Variants in ATP2C2 observed in about 807,000 individuals in gnomAD.
The protein encoded by ATP2C2 is calcium-transporting ATPase type 2C member 2.
A neutral mutation model predicts 110.8 loss-of-function variants in ATP2C2; 171 were observed. That is an observed-to-expected ratio of 1.54 (90% CI 1.36 to 1.75). The LOEUF (loss-of-function observed/expected upper bound fraction) is 1.75, where lower values mean the gene tolerates loss of function less well. Ranked by LOEUF, ATP2C2 falls within the 40% of genes most tolerant of loss-of-function variation. ATP2C2 has a pLI of 0.00. For missense variants in ATP2C2, 1,963 were observed against 1,235.0 expected, an observed-to-expected ratio of 1.59 and a Z score of -8.84; for synonymous variants, 804 against 508.4, an observed-to-expected ratio of 1.58 and a Z score of -7.82.
At chr16:84,434,091 A>C (rs1043206792) in intron 11 of ATP2C2, among the ~76,000 whole-genome samples, 1 of 152,180 alleles carries the variant, frequency 6.6e-6, no homozygotes, top group Admixed American at 6.5e-5. Flanking sequence ...AAATGAGAGA[A>C]TCATTTTTTT....
chr16:84,428,048 A>T (rs1253320780), intron 11 of ATP2C2, among the ~76,000 whole-genome samples: 1 of 152,212 alleles, frequency 6.6e-6, no homozygotes, highest in Non-Finnish European at 1.5e-5. Context: ...ATGAAGAGTA[A>T]ACCATTATTG....
chr16:84,442,357 C>G (rs140140489), intron 14 of ATP2C2, among the ~76,000 whole-genome samples, 153 bp from the exon 15 acceptor site: 127 of 152,254 alleles, frequency 8.3e-4, no homozygotes, highest in Non-Finnish European at 1.3e-3. Flanking sequence ...GAAATAGTCA[C>G]GATGTTTCTT....
Position 84,461,829 on chromosome 16 carries a change from C to G in ATP2C2, c.2580+17C>G, listed in dbSNP as rs370595158. The stretch of plus-strand genomic sequence containing the variant: ...CGCTCTCAGGTGAGACCCGGGCTGA[C>G]CCTCCTCGCTGCAGAGCTGCTGTGT... On this transcript the variant is annotated intron_variant, in intron 25 of 26. Coordinates refer to ENST00000262429, the MANE Select transcript of ATP2C2 (RefSeq NM_014861.4). The G allele has an allele frequency of 6.2e-7, 1 of 1,611,774 alleles. No homozygotes were observed. The highest frequency in any genetic ancestry group is 8.5e-7 in the Non-Finnish European group (1 of 1,177,824).
At chr16:84,385,978 A>T (rs986759984) in intron 1 of ATP2C2, among the ~76,000 whole-genome samples, 1 of 152,200 alleles carries the variant, frequency 6.6e-6, no homozygotes, top group Non-Finnish European at 1.5e-5. Context: ...ATTTATTTTG[A>T]TGCTTCATTG....
Position 84,462,132 on chromosome 16 carries a change from G to T in ATP2C2, c.2722+3G>T. On this transcript the variant is annotated splice_donor_region_variant and intron_variant, in intron 26 of 26. Coordinates refer to ENST00000262429, the MANE Select transcript of ATP2C2 (RefSeq NM_014861.4). ...GACGGAGAACCTGGGAGCGCTTGGT[G>T]AGTGGTGGGGACGGGAACGACAGGT... 1 of 1,611,808 alleles carries T rather than the reference G, an allele frequency of 6.2e-7. No homozygotes were observed. Among genetic ancestry groups the T allele is most frequent in the East Asian group, 2.2e-5 (1 of 44,828 alleles).
chr16:84,404,905 C>A, intron 2 of ATP2C2: 2 of 631,348 alleles, frequency 3.2e-6, no homozygotes, highest in Admixed American at 4.2e-5. Context: ...AGACCAGAGT[C>A]GTCTTTTCTG....
At chr16:84,448,230 C>T (rs1327097234) in intron 16 of ATP2C2, among the ~76,000 whole-genome samples, 1 of 152,056 alleles carries the variant, frequency 6.6e-6, no homozygotes, top group African/African-American at 2.4e-5. Flanking sequence ...GGGATGATAC[C>T]TCCCGTGCAT....
At chr16:84,405,320 T>C in intron 3 of ATP2C2, 76 bp downstream of exon 3, 4 of 1,283,350 alleles carry the variant, frequency 3.1e-6, no homozygotes, top group East Asian at 2.3e-5. Context: ...CATCTTTCAA[T>C]GTTGATGGAA....
chr16:84,453,465 C>A, intron 20 of ATP2C2, 94 bp downstream of exon 20: 1 of 1,508,918 alleles, frequency 6.6e-7, no homozygotes, highest in Non-Finnish European at 9.2e-7. Context: ...GGTGACAGTG[C>A]AGGGCCCGAC....
chr16:84,458,863 T>A (rs978744897), intron 21 of ATP2C2, among the ~76,000 whole-genome samples: 25 of 152,164 alleles, frequency 1.6e-4, no homozygotes, highest in Admixed American at 2.0e-4. Context: ...ATGGTCTGAT[T>A]GGAGGCATCA....
intron 21 of ATP2C2, among the ~76,000 whole-genome samples, chr16:84,456,241 G>T (rs1910778570): frequency 7.4e-6 from 1 of 134,938 alleles, no homozygotes; most frequent in South Asian, 2.6e-4. Flanking sequence ...GAATTCGGCT[G>T]TGAATCCATC....
chr16:84,412,288 G>C (rs558254048), intron 6 of ATP2C2, among the ~76,000 whole-genome samples: 20 of 62,948 alleles, frequency 3.2e-4, no homozygotes, highest in African/African-American at 4.3e-5. Context: ...GTGTGTGCAC[G>C]TATGTGTGTG....
rs578136887 is a variant in ATP2C2, at chr16:84,409,490, A to G, written c.417+996A>G. On this transcript the variant is annotated intron_variant, in intron 4 of 26. Transcript: ENST00000262429. The stretch of plus-strand genomic sequence containing the variant: ...ATTCAGACAATACATGACCTTTTGT[A>G]TCTGGCTTCTCCTGAGCACATTTTT... 5.3e-5 allele frequency among the ~76,000 whole-genome samples: 8 copies of G among 152,276 alleles called. No individual in the cohort carries two copies. The South Asian group carries it at 1.7e-3, about 32-fold the overall frequency.
chr16:84,435,403 A>T (rs1185667805), intron 11 of ATP2C2, among the ~76,000 whole-genome samples: 1 of 152,244 alleles, frequency 6.6e-6, no homozygotes, highest in Admixed American at 6.5e-5. Context: ...GTGTTCAGCC[A>T]ACCCAGGTGG....
intron 7 of ATP2C2, among the ~76,000 whole-genome samples, chr16:84,416,917 AG>A (rs1906886201): frequency 2.0e-5 from 2 of 101,288 alleles, no homozygotes; most frequent in Admixed American, 9.2e-5. Flanking sequence ...TCTCCCGAGA[AG>A]GGGGGTCCTA....
At position 84,459,705 on chromosome 16, in the gene ATP2C2, C is replaced by A. The variant is rs540241399; in HGVS notation, c.2333+319C>A. On this transcript the variant is annotated intron_variant, in intron 23 of 26. Coordinates refer to ENST00000262429, the MANE Select transcript of ATP2C2 (RefSeq NM_014861.4). Reference sequence around the variant, plus strand: ...AGTCACTGCCTTCAGGAAGTCTTCCCTGATTGCACTCCCACTCAATCCCCT... The same window carrying A: ...AGTCACTGCCTTCAGGAAGTCTTCCATGATTGCACTCCCACTCAATCCCCT... The A allele has an allele frequency of 4.6e-5, 42 of 917,042 alleles. No homozygotes were observed. The East Asian group carries it at 1.1e-3, about 24-fold the overall frequency. 56.8% of individuals were successfully genotyped at this position (917,042 alleles called of 1,614,324 possible). A position where few individuals can be genotyped will look rare whatever the true frequency, so the allele number is the denominator to read the frequency against.
intron 2 of ATP2C2, among the ~76,000 whole-genome samples, chr16:84,402,865 G>A (rs771757861): frequency 1.8e-4 from 28 of 152,216 alleles, no homozygotes; most frequent in Non-Finnish European, 3.5e-4. Context: ...GATTGGTATC[G>A]CTTCTTCGAG....
rs115430436 is a variant in ATP2C2 at position 84,386,226 on chromosome 16, C to T, written c.100-12273C>T. Among the ~76,000 whole-genome samples, 886 of 152,244 alleles carry T rather than the reference C, an allele frequency of 5.8e-3. 10 individuals carry two copies. The highest frequency in any genetic ancestry group is 0.019 in the African/African-American group (790 of 41,528). On this transcript the variant is annotated intron_variant, in intron 1 of 26. Transcript: ENST00000262429. ...AGTATGTGTTCATTGTTACTGGGTG[C>T]CATGGCTCCTGGGCCCTCTCAGTGG...
chr16:84,439,355 A>C (rs1485579606), intron 12 of ATP2C2, 65 bp downstream of exon 12: 1 of 1,613,134 alleles, frequency 6.2e-7, no homozygotes, highest in Admixed American at 1.7e-5. Context: ...CTGTCAGGGC[A>C]ATCCAGCCTG....
Sources: gnomAD v4.1 joint callset for allele counts (sites outside exome capture counted in the v4.1 genomes callset) on GRCh38, gnomAD v4.1.1 for gene constraint, MANE v1.5 for transcripts, NCBI Gene and HGNC (gene_info 2026-07-23, HGNC 2026-07-21) for gene names.